APOL6: variants seen among roughly 807,000 people sequenced by gnomAD.
The protein encoded by APOL6 is apolipoprotein L6.
A neutral mutation model predicts 2.4 loss-of-function variants in APOL6; 1 was observed. The observed-to-expected ratio is 0.41, with a 90% confidence interval of 0.15 to 1.94. APOL6 has a LOEUF of 1.94. Among genes scored for constraint, APOL6 ranks in the 30% most tolerant of loss-of-function variants. The probability of loss-of-function intolerance (pLI) is 0.30; values close to 1 mark genes in which losing one functional copy is unlikely to be tolerated. For synonymous variants in APOL6, 189 were observed against 169.3 expected, an observed-to-expected ratio of 1.12 and a Z score of -0.90; for missense variants, 438 against 429.2, an observed-to-expected ratio of 1.02 and a Z score of -0.18.
In APOL6 at chr22:35,667,642, A is replaced by C. The variant is rs1925224522; in HGVS notation, c.*8046A>C. On this transcript the variant is annotated 3_prime_UTR_variant, in exon 3 of 3. Coordinates refer to ENST00000409652, the MANE Select transcript of APOL6 (RefSeq NM_030641.4). ...TTCAGGGGACACAGACATTCAGACTATAGCACCAAGCTGTAGAAGCTACAT... is the reference window on the plus strand; with the variant it reads ...TTCAGGGGACACAGACATTCAGACTCTAGCACCAAGCTGTAGAAGCTACAT... 1 of 152,232 alleles carries C rather than the reference A, an allele frequency of 6.6e-6. No homozygotes were observed. The allele number at this position is 152,232 out of a possible 1,614,324, so 9.4% of individuals were successfully genotyped here. A position where few individuals can be genotyped will look rare whatever the true frequency, so the allele number is the denominator to read the frequency against.
Position 35,659,893 on chromosome 22 carries a change from G to A in APOL6, c.*297G>A. The stretch of plus-strand genomic sequence containing the variant: ...CAAGTCTCCTGCCTCAGCCTCCCAA[G>A]TAGCTGGGATTACAGGCACGCACCA... On this transcript the variant is annotated 3_prime_UTR_variant, in exon 3 of 3. Coordinates refer to ENST00000409652, the MANE Select transcript of APOL6 (RefSeq NM_030641.4). 3.0e-6 allele frequency: 1 copy of A among 332,728 alleles called. No individual in the cohort carries two copies. The allele number at this position is 332,728 out of a possible 1,614,324, so 20.6% of individuals were successfully genotyped here.
chr22:35,656,639 A>G (rs1365614532), intron 2 of APOL6, among the ~76,000 whole-genome samples, 164 bp downstream of exon 2: 3 of 152,182 alleles, frequency 2.0e-5, no homozygotes, highest in Non-Finnish European at 4.4e-5. Context: ...TCCCCTAGGG[A>G]AAAAAATACT....
At chr22:35,649,920 GTACCC>G (rs1924644590) in intron 1 of APOL6, among the ~76,000 whole-genome samples, 2 of 152,252 alleles carry the variant, frequency 1.3e-5, no homozygotes, top group Non-Finnish European at 2.9e-5. Flanking sequence ...ACCAACAGCA[GTACCC>G]TCTCCAGCTG....
rs1023917183 is a variant in APOL6, at chr22:35,665,002, A to G, written c.*5406A>G. 1 of 152,182 alleles carries G rather than the reference A, an allele frequency of 6.6e-6. No homozygotes were observed. Among genetic ancestry groups the G allele is most frequent in the African/African-American group, 2.4e-5 (1 of 41,576 alleles). The allele number at this position is 152,182 out of a possible 1,614,324, so 9.4% of individuals were successfully genotyped here. A position where few individuals can be genotyped will look rare whatever the true frequency, so the allele number is the denominator to read the frequency against. ...TTTATATGGTAAATTTAGTCCTAAA[A>G]TAAAATAACTGGTTGTTTAACAAGG... is the stretch of plus-strand genomic sequence containing the variant. On this transcript the variant is annotated 3_prime_UTR_variant, in exon 3 of 3. Coordinates refer to ENST00000409652, the MANE Select transcript of APOL6 (RefSeq NM_030641.4).
chr22:35,658,419 T>C (rs1924904865), intron 2 of APOL6, among the ~76,000 whole-genome samples, 196 bp from the exon 3 acceptor site: 1 of 152,178 alleles, frequency 6.6e-6, no homozygotes, highest in Admixed American at 6.5e-5. Context: ...GCCCCTCTTA[T>C]GTGTTTCTTT....
At chr22:35,654,856 C>T (rs1924800975) in intron 1 of APOL6, among the ~76,000 whole-genome samples, 1 of 152,050 alleles carries the variant, frequency 6.6e-6, no homozygotes, top group African/African-American at 2.4e-5. Flanking sequence ...GGTTCTCTGT[C>T]CTCTCTCTAT....
chr22:35,668,078 T>TCATCTGCATGATAAAACTTTGGTCTC lies in APOL6; in HGVS notation c.*8485_*8510dup, dbSNP rs1925238863. The TCATCTGCATGATAAAACTTTGGTCTC allele has an allele frequency of 6.6e-6, 1 of 152,220 alleles. No individual in the cohort carries two copies. The highest frequency in any genetic ancestry group is 6.5e-5 in the Admixed American group (1 of 15,292). The allele number at this position is 152,220 out of a possible 1,614,324, so 9.4% of individuals were successfully genotyped here. A position where few individuals can be genotyped will look rare whatever the true frequency, so the allele number is the denominator to read the frequency against. ...CTCTGAAGTCTTCTACCTGGAGGCT[T>TCATCTGCATGATAAAACTTTGGTCTC]CATCTGCATGATAAAACTTTGGTCT... On this transcript the variant is annotated 3_prime_UTR_variant, in exon 3 of 3. Transcript: ENST00000409652.
intron 1 of APOL6, among the ~76,000 whole-genome samples, chr22:35,649,253 T>C (rs759641083): frequency 1.3e-5 from 2 of 151,914 alleles, no homozygotes; most frequent in Non-Finnish European, 2.9e-5. Flanking sequence ...ATGGGCAACA[T>C]AGTGAGACCC....
rs1924998708 is a variant in APOL6, at chr22:35,660,676, A to G, written c.*1080A>G. ...AAATCAAGGCACCAGCAGATTCCACATCTCGTGAAGGCTCACTCTCTGCTT... is the reference window on the plus strand; with the variant it reads ...AAATCAAGGCACCAGCAGATTCCACGTCTCGTGAAGGCTCACTCTCTGCTT... On this transcript the variant is annotated 3_prime_UTR_variant, in exon 3 of 3. Coordinates refer to ENST00000409652, the MANE Select transcript of APOL6 (RefSeq NM_030641.4). The G allele has an allele frequency of 6.5e-6, 1 of 152,674 alleles. No homozygotes were observed. Among genetic ancestry groups the G allele is most frequent in the African/African-American group, 2.4e-5 (1 of 41,468 alleles). The allele number at this position is 152,674 out of a possible 1,614,324, so 9.5% of individuals were successfully genotyped here. A position where few individuals can be genotyped will look rare whatever the true frequency, so the allele number is the denominator to read the frequency against.
rs1328661983 is a variant in APOL6 at position 35,667,025 on chromosome 22, A to T, written c.*7429A>T. 6.6e-6 allele frequency: 1 copy of T among 152,220 alleles called. No homozygotes were observed. Among genetic ancestry groups the T allele is most frequent in the Non-Finnish European group, 1.5e-5 (1 of 68,040 alleles). The allele number at this position is 152,220 out of a possible 1,614,324, so 9.4% of individuals were successfully genotyped here. A position where few individuals can be genotyped will look rare whatever the true frequency, so the allele number is the denominator to read the frequency against. ...TTTGTAACAGGACACGATTGGAGAA[A>T]TTGGTTGTTTTACTAAGACTTTGAC... is the stretch of plus-strand genomic sequence containing the variant. On this transcript the variant is annotated 3_prime_UTR_variant, in exon 3 of 3. Coordinates refer to ENST00000409652, the MANE Select transcript of APOL6 (RefSeq NM_030641.4).
At position 35,664,334 on chromosome 22, in the gene APOL6, A is replaced by G. The variant is rs973133938; in HGVS notation, c.*4738A>G. On this transcript the variant is annotated 3_prime_UTR_variant, in exon 3 of 3. Transcript: ENST00000409652. Reference sequence around the variant, plus strand: ...AAACAGCTGCATCTTGAATTTAGTAAGATTACCATAACTTCTAATCCTGTG... The same window carrying G: ...AAACAGCTGCATCTTGAATTTAGTAGGATTACCATAACTTCTAATCCTGTG... 7 of 152,228 alleles carry G rather than the reference A, an allele frequency of 4.6e-5. No homozygotes were observed. The highest frequency in any genetic ancestry group is 1.0e-4 in the Non-Finnish European group (7 of 68,042). The allele number at this position is 152,228 out of a possible 1,614,324, so 9.4% of individuals were successfully genotyped here. A position where few individuals can be genotyped will look rare whatever the true frequency, so the allele number is the denominator to read the frequency against.
chr22:35,654,332 G>C (rs1452119595), intron 1 of APOL6, among the ~76,000 whole-genome samples: 1 of 152,080 alleles, frequency 6.6e-6, no homozygotes, highest in Non-Finnish European at 1.5e-5. Context: ...AAATCACATG[G>C]TTGTTTCCCC....
intron 1 of APOL6, among the ~76,000 whole-genome samples, chr22:35,651,749 A>G (rs1426597300): frequency 1.3e-5 from 2 of 152,228 alleles, no homozygotes; most frequent in Non-Finnish European, 2.9e-5. Flanking sequence ...ATGGCTGCAT[A>G]GTATTCCATG....
chr22:35,654,040 G>C (rs1238561228), intron 1 of APOL6, among the ~76,000 whole-genome samples: 3 of 152,160 alleles, frequency 2.0e-5, no homozygotes, highest in Non-Finnish European at 2.9e-5. Context: ...TATTATAAAG[G>C]ATCCAACTCA....
chr22:35,662,762 A>G lies in APOL6; in HGVS notation c.*3166A>G, dbSNP rs1288531240. On this transcript the variant is annotated 3_prime_UTR_variant, in exon 3 of 3. Coordinates refer to ENST00000409652, the MANE Select transcript of APOL6 (RefSeq NM_030641.4). ...TTCACATTTTGGAAACCATGAATGG[A>G]TTCTGGGTGGAGATGCCCCTGACCC... 6.6e-6 allele frequency: 1 copy of G among 152,194 alleles called. No homozygotes were observed. The highest frequency in any genetic ancestry group is 1.5e-5 in the Non-Finnish European group (1 of 68,048). 9.4% of individuals were successfully genotyped at this position (152,194 alleles called of 1,614,324 possible). A position where few individuals can be genotyped will look rare whatever the true frequency, so the allele number is the denominator to read the frequency against.
intron 1 of APOL6, among the ~76,000 whole-genome samples, chr22:35,650,672 G>A (rs1045643242): frequency 6.6e-6 from 1 of 152,206 alleles, no homozygotes; most frequent in African/African-American, 2.4e-5. Context: ...GCTCATGCCT[G>A]TAATCCCAGC....
At chr22:35,652,694 A>T (rs1924728877) in intron 1 of APOL6, among the ~76,000 whole-genome samples, 1 of 152,216 alleles carries the variant, frequency 6.6e-6, no homozygotes, top group East Asian at 1.9e-4. Context: ...TTTGTCAAAG[A>T]TCAGATAGTT....
Position 35,667,088 on chromosome 22 carries a change from C to G in APOL6, c.*7492C>G, listed in dbSNP as rs1292745344. The G allele has an allele frequency of 6.6e-6, 1 of 152,172 alleles. No individual in the cohort carries two copies. The highest frequency in any genetic ancestry group is 2.4e-5 in the African/African-American group (1 of 41,450). The allele number at this position is 152,172 out of a possible 1,614,324, so 9.4% of individuals were successfully genotyped here. ...CTTTTCTTTAAGGAATCAAACTTGA[C>G]TTATGGAACCAATAAAGTCCTTGGA... On this transcript the variant is annotated 3_prime_UTR_variant, in exon 3 of 3. Coordinates refer to ENST00000409652, the MANE Select transcript of APOL6 (RefSeq NM_030641.4).
rs531954458 is a variant in APOL6, at chr22:35,660,423, C to G, written c.*827C>G. Reference sequence around the variant, plus strand: ...AAGTCAGTCAGTCTGGGACTTCCAGCCTCTAGAACTGTGAAACAATAAATT... The same window carrying G: ...AAGTCAGTCAGTCTGGGACTTCCAGGCTCTAGAACTGTGAAACAATAAATT... On this transcript the variant is annotated 3_prime_UTR_variant, in exon 3 of 3. Transcript: ENST00000409652. The G allele has an allele frequency of 2.0e-5, 3 of 152,362 alleles. No individual in the cohort carries two copies. The South Asian group carries it at 6.2e-4, about 32-fold the overall frequency. 9.4% of individuals were successfully genotyped at this position (152,362 alleles called of 1,614,324 possible).
Sources: gnomAD v4.1 joint callset for allele counts (sites outside exome capture counted in the v4.1 genomes callset) on GRCh38, gnomAD v4.1.1 for gene constraint, MANE v1.5 for transcripts, NCBI Gene and HGNC (gene_info 2026-07-23, HGNC 2026-07-21) for gene names.